The following GABRG3 variants were observed in gnomAD, a reference collection of about 807,000 sequenced individuals.
GABRG3 encodes the protein gamma-aminobutyric acid receptor subunit gamma-3.
GABRG3 carries 25 observed loss-of-function variants against 48.8 expected under a neutral mutation model. That is an observed-to-expected ratio of 0.51 (90% CI 0.37 to 0.72). The LOEUF is 0.72. Among genes scored for constraint, GABRG3 ranks in the 30% least tolerant of loss-of-function variants. The probability of loss-of-function intolerance (pLI) is 0.00; values close to 1 mark genes in which losing one functional copy is unlikely to be tolerated. For synonymous variants in GABRG3, 227 were observed against 217.6 expected (o/e 1.04, Z -0.38); for missense variants, 394 against 577.9 (o/e 0.68, Z 3.26).
Position 27,326,874 on chromosome 15 carries a change from A to C in GABRG3, c.336A>C (p.Thr112=). 6.2e-7 allele frequency: 1 copy of C among 1,613,986 alleles called. No individual in the cohort carries two copies. Among genetic ancestry groups the C allele is most frequent in the South Asian group, 1.1e-5 (1 of 91,082 alleles). Residue 112 remains threonine (T), a synonymous_variant, in exon 4 of 10, where the codon ACA becomes ACC. Transcript: ENST00000615808. ...WTDSRLRFNS[T]MKILTLNSNM... is the part of the protein sequence containing the mutation. ...ATAGTCGCCTTCGATTCAACAGCAC[A>C]ATGAAAATTCTTACTCTGAACAGCA...
chr15:27,101,363 A>G (rs1348181539), intron 3 of GABRG3, among the ~76,000 whole-genome samples: 2 of 152,238 alleles, frequency 1.3e-5, no homozygotes, highest in East Asian at 1.9e-4. Context: ...AAGATTTAAC[A>G]TAGTAAAGAT....
intron 2 of GABRG3, among the ~76,000 whole-genome samples, chr15:27,009,085 C>T (rs1031877946): frequency 5.3e-5 from 8 of 152,120 alleles, no homozygotes; most frequent in East Asian, 3.9e-4. Flanking sequence ...CTCACGGTGC[C>T]GTCTGGAAGA....
intron 2 of GABRG3, among the ~76,000 whole-genome samples, chr15:26,990,227 C>T (rs1426220817): frequency 2.0e-5 from 3 of 152,112 alleles, no homozygotes; most frequent in East Asian, 1.9e-4. Context: ...ATTTATTAAT[C>T]TACATTTCCA....
chr15:27,496,131 G>A (rs936916372), intron 6 of GABRG3, among the ~76,000 whole-genome samples: 1 of 152,150 alleles, frequency 6.6e-6, no homozygotes, highest in Non-Finnish European at 1.5e-5. Context: ...ACTCTGGCTT[G>A]GAGGGGTTTG....
intron 3 of GABRG3, among the ~76,000 whole-genome samples, chr15:27,074,404 G>T (rs532119451): frequency 2.6e-5 from 4 of 151,956 alleles, no homozygotes; most frequent in African/African-American, 4.8e-5. Context: ...ACATGTGACC[G>T]CTTCCTTCTG....
At position 27,204,676 on chromosome 15, in the gene GABRG3, G is replaced by A. The variant is rs369400692; in HGVS notation, c.271-122133G>A. On this transcript the variant is annotated intron_variant, in intron 3 of 9. Coordinates refer to ENST00000615808, the MANE Select transcript of GABRG3 (RefSeq NM_033223.5). ...TTGATTCTTCCCATCCATGAGCATA[G>A]AATGTTTTTTCATTTATTTGTGTCA... 1.8e-3 allele frequency among the ~76,000 whole-genome samples: 267 copies of A among 152,208 alleles called. 5 individuals carry two copies. In the South Asian group the frequency reaches 0.021, roughly 12 times the overall value.
chr15:27,468,874 A>C (rs1263257160), intron 5 of GABRG3, among the ~76,000 whole-genome samples: 1 of 152,226 alleles, frequency 6.6e-6, no homozygotes, highest in East Asian at 1.9e-4. Context: ...AAAATCTTCT[A>C]TTCATGAAAT....
intron 2 of GABRG3, among the ~76,000 whole-genome samples, chr15:27,008,040 A>G (rs1016349585): frequency 1.3e-5 from 2 of 152,178 alleles, no homozygotes; most frequent in South Asian, 4.1e-4. Flanking sequence ...CTCTTACTAA[A>G]CATACTACAG....
intron 3 of GABRG3, among the ~76,000 whole-genome samples, chr15:27,043,331 G>A (rs147037628): frequency 2.0e-5 from 3 of 152,326 alleles, no homozygotes; most frequent in Non-Finnish European, 2.9e-5. Flanking sequence ...ATAGGAGACC[G>A]TGGGTTTAGA....
intron 2 of GABRG3, among the ~76,000 whole-genome samples, chr15:26,991,927 A>G (rs1595459475): frequency 6.6e-6 from 1 of 151,992 alleles, no homozygotes; most frequent in African/African-American, 2.4e-5. Flanking sequence ...TCACCGTGTT[A>G]GCCAGGATGG....
rs571232498 is a variant in GABRG3, at chr15:27,241,586, G to C, written c.271-85223G>C. Among the ~76,000 whole-genome samples the C allele has an allele frequency of 7.9e-5, 12 of 152,316 alleles. No individual in the cohort carries two copies. In the East Asian group the frequency reaches 2.1e-3, roughly 27 times the overall value. ...AGGCATTCAGTGACAGGACTGTGTT[G>C]TCATTAAGACTGTTTGGATGCTGCA... On this transcript the variant is annotated intron_variant, in intron 3 of 9. Transcript: ENST00000615808.
intron 5 of GABRG3, among the ~76,000 whole-genome samples, chr15:27,369,748 A>T (rs1173262389): frequency 7.1e-6 from 1 of 141,840 alleles, no homozygotes; most frequent in Non-Finnish European, 1.5e-5. Context: ...TGGAGGTTGC[A>T]GTGAGCTGAG....
chr15:27,144,261 C>T (rs889182704), intron 3 of GABRG3, among the ~76,000 whole-genome samples: 2 of 152,160 alleles, frequency 1.3e-5, no homozygotes, highest in Non-Finnish European at 2.9e-5. Flanking sequence ...TGACCCCCTC[C>T]CCAGCTCTGA....
chr15:26,995,460 T>C (rs949979903), intron 2 of GABRG3, among the ~76,000 whole-genome samples: 1 of 152,088 alleles, frequency 6.6e-6, no homozygotes, highest in South Asian at 2.1e-4. Flanking sequence ...ATTGCTAATA[T>C]GGTTAGACTT....
chr15:27,450,882 T>C (rs369105550), intron 5 of GABRG3, among the ~76,000 whole-genome samples: 38 of 152,168 alleles, frequency 2.5e-4, no homozygotes, highest in Non-Finnish European at 5.3e-4. Flanking sequence ...AAAATCAACA[T>C]GCAAAAATCA....
intron 3 of GABRG3, among the ~76,000 whole-genome samples, chr15:27,234,891 A>C (rs559788829): frequency 6.6e-6 from 1 of 152,262 alleles, no homozygotes; most frequent in East Asian, 1.9e-4. Flanking sequence ...GGGCTCCTGC[A>C]GCAGCTGAGG....
intron 3 of GABRG3, among the ~76,000 whole-genome samples, chr15:27,290,515 C>T (rs1432812607): frequency 1.3e-5 from 2 of 152,250 alleles, no homozygotes; most frequent in East Asian, 1.9e-4. Flanking sequence ...ACCACTTGTA[C>T]TCTTGCTATG....
intron 3 of GABRG3, among the ~76,000 whole-genome samples, chr15:27,090,839 G>T (rs1023031142): frequency 6.6e-6 from 1 of 152,152 alleles, no homozygotes; most frequent in Non-Finnish European, 1.5e-5. Flanking sequence ...TGGTGCAACT[G>T]ATTTTTGTTG....
Position 27,374,443 on chromosome 15 carries a change from T to G in GABRG3, c.574+45555T>G, listed in dbSNP as rs191961109. 4.9e-4 allele frequency among the ~76,000 whole-genome samples: 75 copies of G among 152,342 alleles called. 1 individual carries two copies. Among genetic ancestry groups the G allele is most frequent in the Admixed American group, 4.5e-3 (69 of 15,294 alleles). On this transcript the variant is annotated intron_variant, in intron 5 of 9. Coordinates refer to ENST00000615808, the MANE Select transcript of GABRG3 (RefSeq NM_033223.5). ...ACGGCACCAGTGAATTTTCTATTGA[T>G]ATATTTCCAATTTGAAATTTAGGAA...
Sources: gnomAD v4.1 joint callset for allele counts (sites outside exome capture counted in the v4.1 genomes callset) on GRCh38, gnomAD v4.1.1 for gene constraint, MANE v1.5 for transcripts, NCBI Gene and HGNC (gene_info 2026-07-23, HGNC 2026-07-21) for gene names.